Variants in WDR47 observed in about 807,000 individuals in gnomAD.
WDR47 encodes WD repeat-containing protein 47.
WDR47 carries 32 observed loss-of-function variants against 97.2 expected under a neutral mutation model. The observed-to-expected ratio is 0.33, with a 90% confidence interval of 0.25 to 0.44. The LOEUF (loss-of-function observed/expected upper bound fraction) is 0.44. Among genes scored for constraint, WDR47 ranks in the 20% least tolerant of loss-of-function variants. The probability of loss-of-function intolerance (pLI) is 1.00; values close to 1 mark genes in which losing one functional copy is unlikely to be tolerated. For synonymous variants in WDR47, 375 were observed against 373.5 expected, an observed-to-expected ratio of 1.00 and a Z score of -0.05; for missense variants, 782 against 1,102.3, an observed-to-expected ratio of 0.71 and a Z score of 4.11.
At chr1:109,035,975 G>A (rs1662916199) in intron 1 of WDR47, among the ~76,000 whole-genome samples, 1 of 151,870 alleles carries the variant, frequency 6.6e-6, no homozygotes, top group Admixed American at 6.6e-5. Context: ...ATAGACATAT[G>A]CCAACTTGCC....
At chr1:108,993,552 A>C (rs1345505783) in intron 8 of WDR47, among the ~76,000 whole-genome samples, 2 of 152,224 alleles carry the variant, frequency 1.3e-5, no homozygotes, top group African/African-American at 4.8e-5. Flanking sequence ...TTTTCAGGAA[A>C]CTGTGAGATG....
chr1:109,004,753 G>C, intron 5 of WDR47, 38 bp from the exon 6 acceptor site: 1 of 1,553,986 alleles, frequency 6.4e-7, no homozygotes, highest in Non-Finnish European at 8.6e-7. Flanking sequence ...AAAAGGCAGA[G>C]GGGGGAGTAA....
At position 108,971,452 on chromosome 1, in the gene WDR47, G is replaced by T. The variant is rs1342087461; in HGVS notation, c.2738C>A (p.Thr913Asn). Reference sequence around the variant, plus strand: ...GCTCTACCCATTGTAAGTCCAGAGGGTGACAGTTCTATCTGCAGAGGATGA... The same window carrying T: ...GCTCTACCCATTGTAAGTCCAGAGGTTGACAGTTCTATCTGCAGAGGATGA... ...FLSSSADRTV[T>N]LWTYNG The change falls in exon 15 of 15, where the codon ACC becomes AAC. Residue 913 changes from threonine (T) to asparagine (N), a missense_variant. By Grantham distance (65) the Thr-to-Asn change is moderately conservative (BLOSUM62 0). Transcript: ENST00000369962. 6.2e-7 allele frequency: 1 copy of T among 1,614,198 alleles called. No individual in the cohort carries two copies. Among genetic ancestry groups the T allele is most frequent in the Non-Finnish European group, 8.5e-7 (1 of 1,180,036 alleles).
chr1:109,006,895 C>T (rs1189127335), intron 5 of WDR47, among the ~76,000 whole-genome samples: 1 of 151,960 alleles, frequency 6.6e-6, no homozygotes, highest in African/African-American at 2.4e-5. Context: ...CATAGCAGTT[C>T]AATCATATTG....
chr1:108,975,498 G>A (rs1657817883), intron 13 of WDR47, among the ~76,000 whole-genome samples: 1 of 151,648 alleles, frequency 6.6e-6, no homozygotes, highest in African/African-American at 2.4e-5. Context: ...GCACGTGCCT[G>A]TAATCCCAGC....
At position 108,971,460 on chromosome 1, in the gene WDR47, T is replaced by C; in HGVS notation, c.2730A>G (p.Arg910=). 2 of 1,614,208 alleles carry C rather than the reference T, an allele frequency of 1.2e-6. No homozygotes were observed. The highest frequency in any genetic ancestry group is 1.7e-6 in the Non-Finnish European group (2 of 1,180,046). ...CATTGTAAGTCCAGAGGGTGACAGTTCTATCTGCAGAGGATGACAGGAAGG... is the reference window on the plus strand; with the variant it reads ...CATTGTAAGTCCAGAGGGTGACAGTCCTATCTGCAGAGGATGACAGGAAGG... ...DLSFLSSSAD[R]TVTLWTYNG Residue 910 remains arginine (R), a synonymous_variant, in exon 15 of 15, where the codon AGA becomes AGG. Transcript: ENST00000369962.
intron 5 of WDR47, among the ~76,000 whole-genome samples, chr1:109,010,184 A>T (rs1384712142): frequency 6.6e-6 from 1 of 152,168 alleles, no homozygotes; most frequent in Non-Finnish European, 1.5e-5. Flanking sequence ...TTCTCATATA[A>T]TTTTAATTAT....
chr1:109,014,457 GA>G (rs1661272255), intron 3 of WDR47, among the ~76,000 whole-genome samples: 1 of 150,658 alleles, frequency 6.6e-6, no homozygotes, highest in Non-Finnish European at 1.5e-5. Flanking sequence ...TTTAGAGACA[GA>G]GTCTTCTGCT....
chr1:109,014,058 A>G, intron 3 of WDR47, 133 bp from the exon 4 acceptor site: 1 of 589,294 alleles, frequency 1.7e-6, no homozygotes, highest in Non-Finnish European at 2.9e-6. Flanking sequence ...CATTGAAGCC[A>G]TAACTGAAGT....
At chr1:109,022,049 C>T (rs1181178629) in intron 2 of WDR47, among the ~76,000 whole-genome samples, 12 of 151,804 alleles carry the variant, frequency 7.9e-5, no homozygotes, top group African/African-American at 2.4e-4. Flanking sequence ...GGTTTCACTA[C>T]GTTGGCCAGT....
At chr1:108,988,777 A>G (rs1659062623) in intron 9 of WDR47, among the ~76,000 whole-genome samples, 2 of 151,272 alleles carry the variant, frequency 1.3e-5, no homozygotes, top group African/African-American at 2.4e-5. Context: ...TTTTTTTTTG[A>G]GATGGAGTAT....
At chr1:109,023,799 G>C (rs756446489) in intron 1 of WDR47, among the ~76,000 whole-genome samples, 1 of 152,118 alleles carries the variant, frequency 6.6e-6, no homozygotes, top group Non-Finnish European at 1.5e-5. Context: ...TAGAAGAGAA[G>C]AGTGGGAAGA....
At chr1:109,008,172 C>A (rs780841754) in intron 5 of WDR47, among the ~76,000 whole-genome samples, 27 of 152,110 alleles carry the variant, frequency 1.8e-4, no homozygotes, top group Non-Finnish European at 3.4e-4. Flanking sequence ...AAGTTAGATT[C>A]TCCTCTCTAA....
At chr1:109,021,762 A>C (rs1431813028) in intron 2 of WDR47, among the ~76,000 whole-genome samples, 1 of 149,588 alleles carries the variant, frequency 6.7e-6, no homozygotes, top group Non-Finnish European at 1.5e-5. Context: ...CCTAACCTTA[A>C]GTGATCCACA....
chr1:108,998,067 A>T (rs1166211867), intron 7 of WDR47, among the ~76,000 whole-genome samples: 1 of 152,252 alleles, frequency 6.6e-6, no homozygotes, highest in Non-Finnish European at 1.5e-5. Flanking sequence ...GTTAAAAATT[A>T]TAATTAAGTA....
intron 8 of WDR47, chr1:108,992,801 A>G: frequency 7.5e-6 from 12 of 1,592,792 alleles, no homozygotes; most frequent in African/African-American, 1.3e-5. Flanking sequence ...ATCCCAGAAG[A>G]AACTGAAGAA....
intron 6 of WDR47, 96 bp from the exon 7 acceptor site, chr1:109,002,498 T>C (rs1260480423): frequency 1.0e-6 from 1 of 988,600 alleles, no homozygotes; most frequent in East Asian, 2.8e-5. Context: ...AAATATACAA[T>C]TAGCTATATT....
In WDR47 at chr1:108,971,262, C is replaced by T. The variant is rs545260692; in HGVS notation, c.*168G>A. ...CTCACATGGAAGACTGAAAGCACTG[C>T]GGAATAACACCACCCAACACCTCCT... On this transcript the variant is annotated 3_prime_UTR_variant, in exon 15 of 15. Transcript: ENST00000369962. 48 of 885,156 alleles carry T rather than the reference C, an allele frequency of 5.4e-5. No homozygotes were observed. Among genetic ancestry groups the T allele is most frequent in the Admixed American group, 1.2e-4 (4 of 34,226 alleles). 54.8% of individuals were successfully genotyped at this position (885,156 alleles called of 1,614,324 possible). A position where few individuals can be genotyped will look rare whatever the true frequency, so the allele number is the denominator to read the frequency against.
At chr1:109,000,426 T>A (rs1213647493) in intron 7 of WDR47, among the ~76,000 whole-genome samples, 1 of 149,264 alleles carries the variant, frequency 6.7e-6, no homozygotes, top group Non-Finnish European at 1.5e-5. Flanking sequence ...GGAGAACCGC[T>A]TGAACCTGGG....
Sources: gnomAD v4.1 joint callset for allele counts (sites outside exome capture counted in the v4.1 genomes callset) on GRCh38, gnomAD v4.1.1 for gene constraint, MANE v1.5 for transcripts, NCBI Gene and HGNC (gene_info 2026-07-23, HGNC 2026-07-21) for gene names.